Variants in NAA25 observed in about 807,000 individuals in gnomAD.
NAA25 encodes N-alpha-acetyltransferase 25, NatB auxiliary subunit.
In NAA25, 30 loss-of-function variants were observed where a neutral mutation model predicts 132.5. That is an observed-to-expected ratio of 0.23 (90% CI 0.17 to 0.31). The LOEUF is 0.31. Among genes scored for constraint, NAA25 ranks in the 10% least tolerant of loss-of-function variants. The pLI is 1.00. For missense variants in NAA25, 771 were observed against 1,150.4 expected (o/e 0.67, Z 4.77); for synonymous variants, 359 against 401.9 (o/e 0.89, Z 1.28).
intron 22 of NAA25, among the ~76,000 whole-genome samples, chr12:112,038,091 G>A (rs1161527248): frequency 6.6e-6 from 1 of 152,124 alleles, no homozygotes; most frequent in Non-Finnish European, 1.5e-5. Context: ...TTGGCTCACT[G>A]CAACCTCTGC....
chr12:112,046,812 CTTA>C (rs1358173276), intron 17 of NAA25, among the ~76,000 whole-genome samples: 1 of 152,078 alleles, frequency 6.6e-6, no homozygotes, highest in Admixed American at 6.5e-5. Context: ...TTCTTATTGA[CTTA>C]TTAAGAGTTC....
At chr12:112,047,910 G>A (rs1045078234) in intron 16 of NAA25, 120 bp from the exon 17 acceptor site, 4 of 1,080,768 alleles carry the variant, frequency 3.7e-6, no homozygotes, top group Non-Finnish European at 3.9e-6. Flanking sequence ...CTCATAATAA[G>A]GTGAAATAGA....
rs538864001 is a variant in NAA25, at chr12:112,096,968, C to T, written c.59-3832G>A. Reference sequence around the variant, plus strand: ...GGACTATAAGGGTATTTTTCCCTTCCCCTCTGTAGTTGACGAGGTTCTGAT... The same window carrying T: ...GGACTATAAGGGTATTTTTCCCTTCTCCTCTGTAGTTGACGAGGTTCTGAT... On this transcript the variant is annotated intron_variant, in intron 1 of 23. Transcript: ENST00000261745. Among the ~76,000 whole-genome samples the T allele has an allele frequency of 2.0e-5, 3 of 152,286 alleles. No individual in the cohort carries two copies. In the South Asian group the frequency reaches 6.2e-4, roughly 32 times the overall value.
At position 112,028,999 on chromosome 12, in the gene NAA25, T is replaced by G. The variant is rs544762559; in HGVS notation, c.*532A>C. ...GCCAGATCTCATCTAAGGTCCTTTG[T>G]GTACCTGCCTTGGGTTCTGTGGGAG... On this transcript the variant is annotated 3_prime_UTR_variant, in exon 24 of 24. Coordinates refer to ENST00000261745, the MANE Select transcript of NAA25 (RefSeq NM_024953.4). The G allele has an allele frequency of 1.3e-5, 2 of 154,934 alleles. No homozygotes were observed. Among genetic ancestry groups the G allele is most frequent in the African/African-American group, 4.8e-5 (2 of 41,464 alleles). 9.6% of individuals were successfully genotyped at this position (154,934 alleles called of 1,614,324 possible). A position where few individuals can be genotyped will look rare whatever the true frequency, so the allele number is the denominator to read the frequency against.
At chr12:112,097,242 A>AGT (rs774963151) in intron 1 of NAA25, 3 of 152,222 alleles carry the variant, frequency 2.0e-5, no homozygotes, top group South Asian at 2.1e-4. Flanking sequence ...TGAGTTTACC[A>AGT]GTGGCAGCTC....
chr12:112,073,769 GA>G (rs2078851578), intron 9 of NAA25, among the ~76,000 whole-genome samples: 1 of 150,540 alleles, frequency 6.6e-6, no homozygotes, highest in Non-Finnish European at 1.5e-5. Context: ...CTATAAAAAG[GA>G]AAAAAAATTT....
chr12:112,103,414 G>C (rs1274094478), intron 1 of NAA25, among the ~76,000 whole-genome samples: 1 of 152,152 alleles, frequency 6.6e-6, no homozygotes, highest in Non-Finnish European at 1.5e-5. Flanking sequence ...GCAAGGTTTT[G>C]GTATGGCAGA....
intron 1 of NAA25, among the ~76,000 whole-genome samples, chr12:112,107,474 A>C (rs942129501): frequency 6.6e-6 from 1 of 151,996 alleles, no homozygotes; most frequent in African/African-American, 2.4e-5. Flanking sequence ...ATATTAGATA[A>C]CCCATATAAA....
chr12:112,057,657 C>A (rs938177223), intron 13 of NAA25, among the ~76,000 whole-genome samples: 5 of 152,120 alleles, frequency 3.3e-5, no homozygotes, highest in Non-Finnish European at 7.3e-5. Context: ...GAGTTTGAGA[C>A]CAGCCTGACT....
chr12:112,034,710 C>A (rs1325857708), intron 22 of NAA25: 1 of 151,342 alleles, frequency 6.6e-6, no homozygotes, highest in African/African-American at 2.4e-5. Context: ...TACTCGGAAG[C>A]CTGAGGGAGA....
Position 112,069,581 on chromosome 12 carries a change from GAGGCCA to G in NAA25, c.1037-595_1037-590del, listed in dbSNP as rs375290079. Among the ~76,000 whole-genome samples the G allele has an allele frequency of 1.8e-3, 267 of 152,032 alleles. No individual in the cohort carries two copies. The East Asian group carries it at 0.031, about 17-fold the overall frequency. ...CATGCCTGTAATCCCAGCACTTTGG[GAGGCCA>G]AGGCAGGAGGATCACCTGAGGTCAA... On this transcript the variant is annotated intron_variant, in intron 10 of 23. Coordinates refer to ENST00000261745, the MANE Select transcript of NAA25 (RefSeq NM_024953.4).
At chr12:112,068,789 C>A (rs7959079) in intron 11 of NAA25, 91 bp downstream of exon 11, 1 of 696,896 alleles carries the variant, frequency 1.4e-6, no homozygotes, top group African/African-American at 1.8e-5. Flanking sequence ...TTATCAATTC[C>A]GCACATTTTA....
At chr12:112,056,092 T>C (rs1288150624) in intron 13 of NAA25, among the ~76,000 whole-genome samples, 2 of 152,130 alleles carry the variant, frequency 1.3e-5, no homozygotes, top group African/African-American at 4.8e-5. Context: ...CCCAGCACTC[T>C]GGGAGGCCAG....
intron 7 of NAA25, among the ~76,000 whole-genome samples, chr12:112,076,441 CCATCCATA>C (rs2078896656): frequency 6.6e-6 from 1 of 151,990 alleles, no homozygotes; most frequent in African/African-American, 2.4e-5. Flanking sequence ...GACAAGCTGC[CCATCCATA>C]CAGTTCCAAA....
At chr12:112,073,840 TCAAAAATC>T (rs1434632367) in intron 9 of NAA25, among the ~76,000 whole-genome samples, 3 of 151,944 alleles carry the variant, frequency 2.0e-5, no homozygotes, top group African/African-American at 4.8e-5. Flanking sequence ...AAAGAGATCT[TCAAAAATC>T]CAAGTATCAT....
chr12:112,033,391 A>T lies in NAA25; in HGVS notation c.2650-12T>A, dbSNP rs757469820. 1 of 1,592,464 alleles carries T rather than the reference A, an allele frequency of 6.3e-7. No individual in the cohort carries two copies. Among genetic ancestry groups the T allele is most frequent in the Non-Finnish European group, 8.5e-7 (1 of 1,173,382 alleles). ...GTAAAGACAGGTGGCTGGGAAAAAG[A>T]TTAAAAAAGAGTTGAAACATTATCA... On this transcript the variant is annotated splice_polypyrimidine_tract_variant and intron_variant, in intron 22 of 23. Transcript: ENST00000261745.
At chr12:112,062,328 G>A (rs1186033777) in intron 11 of NAA25, among the ~76,000 whole-genome samples, 1 of 151,666 alleles carries the variant, frequency 6.6e-6, no homozygotes, top group Non-Finnish European at 1.5e-5. Flanking sequence ...TTGAACCTGG[G>A]AGGCAGAGGT....
chr12:112,033,953 C>T (rs1182570926), intron 22 of NAA25: 4 of 152,042 alleles, frequency 2.6e-5, no homozygotes, highest in African/African-American at 7.2e-5. Flanking sequence ...TGTGATACAA[C>T]TAAAAAACCT....
At chr12:112,104,455 G>T (rs1014715110) in intron 1 of NAA25, among the ~76,000 whole-genome samples, 2 of 152,094 alleles carry the variant, frequency 1.3e-5, no homozygotes, top group Non-Finnish European at 2.9e-5. Flanking sequence ...GGTAGAGGAG[G>T]CTGCATAACA....
Sources: allele counts gnomAD v4.1 joint callset (sites outside exome capture counted in the v4.1 genomes callset), GRCh38; gene constraint gnomAD v4.1.1; transcripts MANE v1.5; gene names NCBI Gene and HGNC (gene_info 2026-07-23, HGNC 2026-07-21).